The following AFAP1 variants were observed in gnomAD, a reference collection of about 807,000 sequenced individuals.
AFAP1 encodes actin filament associated protein 1, also known as actin filament-associated protein 1.
AFAP1 carries 75 observed loss-of-function variants against 93.9 expected under a neutral mutation model. That is an observed-to-expected ratio of 0.80 (90% CI 0.66 to 0.97). AFAP1 has a LOEUF of 0.97. Among genes scored for constraint, AFAP1 ranks in the 50% least tolerant of loss-of-function variants. AFAP1 has a pLI of 0.00. For synonymous variants in AFAP1, 517 were observed against 430.7 expected (o/e 1.20, Z -2.48); for missense variants, 1,201 against 1,050.8 (o/e 1.14, Z -1.98).
At chr4:7,774,631 A>G in intron 15 of AFAP1, 108 bp downstream of exon 15, 3 of 1,449,096 alleles carry the variant, frequency 2.1e-6, no homozygotes, top group Non-Finnish European at 1.8e-6. Flanking sequence ...CTCTTACTAA[A>G]TAAAATGACA....
intron 1 of AFAP1, among the ~76,000 whole-genome samples, chr4:7,908,344 C>G (rs913555216): frequency 6.6e-6 from 1 of 152,210 alleles, no homozygotes; most frequent in Non-Finnish European, 1.5e-5. Context: ...CATGGCAGCC[C>G]TTGGCATCAC....
intron 1 of AFAP1, among the ~76,000 whole-genome samples, chr4:7,872,939 T>TTAA (rs1491435545): frequency 9.1e-6 from 1 of 110,002 alleles, no homozygotes. Context: ...TTTTTTTTTT[T>TTAA]AAAAAAAAAA....
At position 7,923,383 on chromosome 4, in the gene AFAP1, G is replaced by A. The variant is rs1334799280; in HGVS notation, c.-3+16273C>T. The stretch of plus-strand genomic sequence containing the variant: ...GCTGGAAGTCCAAGATCAAGGTGTC[G>A]GCCAACTCAGTTCCAGGACAAGGAC... On this transcript the variant is annotated intron_variant, in intron 1 of 17. Transcript: ENST00000420658. Among the ~76,000 whole-genome samples the A allele has an allele frequency of 2.6e-5, 4 of 152,118 alleles. No individual in the cohort carries two copies. The South Asian group carries it at 6.2e-4, about 24-fold the overall frequency.
chr4:7,889,312 G>A (rs1053041602), intron 1 of AFAP1, among the ~76,000 whole-genome samples: 5 of 151,798 alleles, frequency 3.3e-5, no homozygotes, highest in African/African-American at 1.2e-4. Context: ...ACTTTGGGAG[G>A]CCAAGGGGGA....
intron 2 of AFAP1, among the ~76,000 whole-genome samples, chr4:7,871,729 C>A (rs527617698): frequency 6.6e-6 from 1 of 152,138 alleles, no homozygotes; most frequent in Non-Finnish European, 1.5e-5. Flanking sequence ...CTGAGGACTC[C>A]CAAAACACGA....
intron 4 of AFAP1, among the ~76,000 whole-genome samples, chr4:7,848,583 T>C (rs61214925): frequency 0.092 from 14,003 of 152,154 alleles, 1,206 homozygotes; most frequent in East Asian, 0.48. Context: ...GTGCCTCTCC[T>C]CTGTTTCTGT....
intron 13 of AFAP1, 140 bp from the exon 14 acceptor site, chr4:7,779,016 A>G: frequency 1.5e-6 from 1 of 648,476 alleles, no homozygotes; most frequent in East Asian, 2.7e-5. Flanking sequence ...TCGAAAGTGA[A>G]AGAAAACCAA....
At chr4:7,867,557 G>T (rs909560894) in intron 3 of AFAP1, among the ~76,000 whole-genome samples, 2 of 152,170 alleles carry the variant, frequency 1.3e-5, no homozygotes, top group East Asian at 1.9e-4. Flanking sequence ...TAGTATTGTT[G>T]AGAAAAGTGT....
rs1711605650 is a variant in AFAP1 at position 7,831,474 on chromosome 4, G to A, written c.726+7050C>T. 1.3e-5 allele frequency among the ~76,000 whole-genome samples: 2 copies of A among 151,460 alleles called. 1 individual carries two copies. Among genetic ancestry groups the A allele is most frequent in the South Asian group, 4.2e-4 (2 of 4,810 alleles). ...ATTCTATAATTAGCTAAGTGCCTCTGATCTATAAGTAGCTCCCATCTGGTG... is the reference window on the plus strand; with the variant it reads ...ATTCTATAATTAGCTAAGTGCCTCTAATCTATAAGTAGCTCCCATCTGGTG... On this transcript the variant is annotated intron_variant, in intron 6 of 17. Transcript: ENST00000420658.
chr4:7,802,147 T>C (rs1343577311), intron 9 of AFAP1, among the ~76,000 whole-genome samples: 1 of 152,214 alleles, frequency 6.6e-6, no homozygotes, highest in African/African-American at 2.4e-5. Flanking sequence ...AAAGTCTAAA[T>C]TTTCATTGGC....
intron 7 of AFAP1, among the ~76,000 whole-genome samples, chr4:7,816,857 A>C (rs1720524857): frequency 6.6e-6 from 1 of 152,244 alleles, no homozygotes; most frequent in South Asian, 2.1e-4. Flanking sequence ...ATGTGTGTTC[A>C]ACTCGGAATT....
intron 1 of AFAP1, among the ~76,000 whole-genome samples, chr4:7,895,395 A>AT (rs1383114011): frequency 2.7e-5 from 4 of 148,940 alleles, no homozygotes; most frequent in Admixed American, 1.3e-4. Context: ...TCTGTTAAAG[A>AT]TTTTTTTAAA....
intron 1 of AFAP1, among the ~76,000 whole-genome samples, chr4:7,874,029 G>C (rs1717304363): frequency 1.3e-5 from 2 of 152,186 alleles, no homozygotes; most frequent in African/African-American, 4.8e-5. Context: ...CTTTTCTACT[G>C]AGATCAGCAG....
intron 4 of AFAP1, among the ~76,000 whole-genome samples, chr4:7,854,756 A>G (rs1714859553): frequency 6.6e-6 from 1 of 152,152 alleles, no homozygotes; most frequent in Non-Finnish European, 1.5e-5. Context: ...CCATTAGTTG[A>G]CATACATTCA....
At chr4:7,873,833 G>A (rs1338292113) in intron 1 of AFAP1, among the ~76,000 whole-genome samples, 1 of 152,152 alleles carries the variant, frequency 6.6e-6, no homozygotes, top group Non-Finnish European at 1.5e-5. Flanking sequence ...CAGGCAAACT[G>A]CAATGACTTA....
At chr4:7,810,700 G>T (rs991975316) in intron 8 of AFAP1, among the ~76,000 whole-genome samples, 10 of 152,326 alleles carry the variant, frequency 6.6e-5, no homozygotes, top group Admixed American at 5.9e-4. Flanking sequence ...ATGATGCCTG[G>T]CTTCCTTTGA....
intron 6 of AFAP1, among the ~76,000 whole-genome samples, chr4:7,827,839 A>C (rs2149087585): frequency 6.6e-6 from 1 of 152,266 alleles, no homozygotes; most frequent in Admixed American, 6.5e-5. Context: ...AGGGCGGGTG[A>C]CGTCTCATCC....
intron 5 of AFAP1, chr4:7,842,556 C>CCA (rs1184978885): frequency 6.6e-6 from 1 of 151,968 alleles, no homozygotes; most frequent in Non-Finnish European, 1.5e-5. Context: ...GGAAGGGACG[C>CCA]CACACCGTCC....
chr4:7,847,536 A>G (rs1186376515), intron 4 of AFAP1, among the ~76,000 whole-genome samples: 1 of 152,250 alleles, frequency 6.6e-6, no homozygotes, highest in African/African-American at 2.4e-5. Flanking sequence ...GACCCAATCA[A>G]GAGAAGAGAC....
Sources: allele counts gnomAD v4.1 joint callset (sites outside exome capture counted in the v4.1 genomes callset), GRCh38; gene constraint gnomAD v4.1.1; transcripts MANE v1.5; gene names NCBI Gene and HGNC (gene_info 2026-07-23, HGNC 2026-07-21).